Variants in SRGAP1 observed in about 807,000 individuals in gnomAD.
SRGAP1 encodes the protein SLIT-ROBO Rho GTPase activating protein 1.
A neutral mutation model predicts 121.9 loss-of-function variants in SRGAP1; 43 were observed. The ratio of observed to expected loss-of-function variants is 0.35; its 90% CI spans 0.28 to 0.46. The LOEUF is 0.46. Among genes scored for constraint, SRGAP1 ranks in the 20% least tolerant of loss-of-function variants. SRGAP1 has a pLI of 1.00. For missense variants in SRGAP1, 1,102 were observed against 1,350.9 expected (o/e 0.82, Z 2.89); for synonymous variants, 447 against 485.4 (o/e 0.92, Z 1.04).
rs144377554 is a variant in SRGAP1, at chr12:63,960,439, C to A, written c.68-23508C>A. Among the ~76,000 whole-genome samples the A allele has an allele frequency of 1.4e-3, 218 of 152,202 alleles. 2 individuals carry two copies. The highest frequency in any genetic ancestry group is 5.2e-3 in the African/African-American group (215 of 41,530). ...GCTTCCTCATGGGTTCCTCTACCCCCAGTCTGACCTTGCTGCAGTCATTCT... is the reference window on the plus strand; with the variant it reads ...GCTTCCTCATGGGTTCCTCTACCCCAAGTCTGACCTTGCTGCAGTCATTCT... On this transcript the variant is annotated intron_variant, in intron 1 of 21. Coordinates refer to ENST00000355086, the MANE Select transcript of SRGAP1 (RefSeq NM_020762.4).
intron 1 of SRGAP1, among the ~76,000 whole-genome samples, chr12:63,959,718 G>C (rs1440522275): frequency 6.6e-6 from 1 of 152,050 alleles, no homozygotes; most frequent in African/African-American, 2.4e-5. Context: ...ACACTGTATT[G>C]GGCATGAAAT....
chr12:63,992,581 A>C (rs954503117), intron 3 of SRGAP1, among the ~76,000 whole-genome samples: 2 of 151,936 alleles, frequency 1.3e-5, no homozygotes, highest in African/African-American at 4.8e-5. Flanking sequence ...GAGTTTCAAC[A>C]GCTAGCAGCC....
chr12:64,025,078 G>C (rs1203731994), intron 4 of SRGAP1, among the ~76,000 whole-genome samples: 1 of 151,538 alleles, frequency 6.6e-6, no homozygotes, highest in Non-Finnish European at 1.5e-5. Flanking sequence ...TTAAAAAGCA[G>C]AGTTGATGTG....
rs1475696858 is a variant in SRGAP1 at position 64,144,486 on chromosome 12, AG to A, written c.*1816del. On this transcript the variant is annotated 3_prime_UTR_variant, in exon 22 of 22. Coordinates refer to ENST00000355086, the MANE Select transcript of SRGAP1 (RefSeq NM_020762.4). ...TTTGCCAGTGTAGTCATTCTATTGC[AG>A]GAAGAGATTAAATTGATGAGATATT... The A allele has an allele frequency of 2.6e-5, 4 of 152,218 alleles. No individual in the cohort carries two copies. The highest frequency in any genetic ancestry group is 1.3e-4 in the Admixed American group (2 of 15,276). 9.4% of individuals were successfully genotyped at this position (152,218 alleles called of 1,614,324 possible).
At chr12:64,070,813 G>A (rs909702750) in intron 8 of SRGAP1, among the ~76,000 whole-genome samples, 1 of 152,124 alleles carries the variant, frequency 6.6e-6, no homozygotes, top group Non-Finnish European at 1.5e-5. Flanking sequence ...CCTTCCTAGG[G>A]TAGAAAAATC....
intron 15 of SRGAP1, among the ~76,000 whole-genome samples, chr12:64,101,969 C>T (rs942025149): frequency 1.3e-5 from 2 of 152,186 alleles, no homozygotes; most frequent in African/African-American, 2.4e-5. Flanking sequence ...CACAAAAGCA[C>T]ATAGAACAAA....
intron 4 of SRGAP1, among the ~76,000 whole-genome samples, chr12:64,027,647 C>T (rs7973684): frequency 1.1e-4 from 16 of 152,180 alleles, no homozygotes; most frequent in African/African-American, 3.6e-4. Context: ...GCTACTAAAA[C>T]GAGATTGCAA....
rs1381045397 is a variant in SRGAP1, at chr12:63,899,696, C to T, written c.67+54813C>T. 2.0e-5 allele frequency among the ~76,000 whole-genome samples: 3 copies of T among 152,206 alleles called. No homozygotes were observed. In the East Asian group the frequency reaches 5.8e-4, roughly 29 times the overall value. On this transcript the variant is annotated intron_variant, in intron 1 of 21. Coordinates refer to ENST00000355086, the MANE Select transcript of SRGAP1 (RefSeq NM_020762.4). ...ACAAGAGTAGGTTACAGACTGTTTACACATCCAGTTAGGTTACAGTTCATT... is the reference window on the plus strand; with the variant it reads ...ACAAGAGTAGGTTACAGACTGTTTATACATCCAGTTAGGTTACAGTTCATT...
At chr12:64,045,413 G>A (rs771254451) in intron 6 of SRGAP1, among the ~76,000 whole-genome samples, 1 of 151,802 alleles carries the variant, frequency 6.6e-6, no homozygotes, top group Non-Finnish European at 1.5e-5. Flanking sequence ...GTAGTGATTG[G>A]AGTACTTGGC....
chr12:63,865,144 A>C (rs1447093698), intron 1 of SRGAP1, among the ~76,000 whole-genome samples: 2 of 152,126 alleles, frequency 1.3e-5, no homozygotes, highest in Admixed American at 1.3e-4. Flanking sequence ...TTTGCCAATG[A>C]AAAATAAGTT....
At chr12:63,852,282 C>A (rs1249130883) in intron 1 of SRGAP1, among the ~76,000 whole-genome samples, 3 of 152,236 alleles carry the variant, frequency 2.0e-5, no homozygotes, top group Admixed American at 2.0e-4. Context: ...AGGCATGAGC[C>A]ACCTCGCCCA....
chr12:63,988,216 G>A (rs1438133080), intron 2 of SRGAP1, among the ~76,000 whole-genome samples: 1 of 152,136 alleles, frequency 6.6e-6, no homozygotes, highest in Admixed American at 6.5e-5. Context: ...TTACTGTGGG[G>A]CAAGGCCCTG....
At chr12:64,049,837 T>C (rs2035205781) in intron 6 of SRGAP1, among the ~76,000 whole-genome samples, 2 of 152,308 alleles carry the variant, frequency 1.3e-5, no homozygotes, top group Admixed American at 6.5e-5. Context: ...ATTCCTCAAG[T>C]GTTTTTCTTT....
intron 21 of SRGAP1, among the ~76,000 whole-genome samples, chr12:64,134,473 C>CATTG (rs2036830537): frequency 6.6e-6 from 1 of 151,846 alleles, no homozygotes; most frequent in Non-Finnish European, 1.5e-5. Flanking sequence ...TTTTGCAAGG[C>CATTG]ATTGGTCAAG....
chr12:64,077,299 G>A (rs1193389251), intron 8 of SRGAP1, among the ~76,000 whole-genome samples: 3 of 151,630 alleles, frequency 2.0e-5, no homozygotes, highest in African/African-American at 7.3e-5. Flanking sequence ...AGTAAATGAA[G>A]GTGAAATAAA....
chr12:63,867,290 G>A (rs971937466), intron 1 of SRGAP1, among the ~76,000 whole-genome samples: 4 of 152,216 alleles, frequency 2.6e-5, no homozygotes, highest in Non-Finnish European at 5.9e-5. Context: ...CATCTGAGTA[G>A]TGCTGGTCTG....
chr12:64,142,269 C>G, intron 21 of SRGAP1, 26 bp from the exon 22 acceptor site: 1 of 1,603,674 alleles, frequency 6.2e-7, no homozygotes, highest in South Asian at 1.1e-5. Context: ...TCTGTGCTTT[C>G]TCTCTTTCCG....
chr12:63,848,208 G>C (rs1898965668), intron 1 of SRGAP1, among the ~76,000 whole-genome samples: 1 of 151,866 alleles, frequency 6.6e-6, no homozygotes, highest in African/African-American at 2.4e-5. Flanking sequence ...GTTTCGACAT[G>C]TTGGCCAGGC....
chr12:63,846,361 C>G (rs1898901553), intron 1 of SRGAP1, among the ~76,000 whole-genome samples: 1 of 152,192 alleles, frequency 6.6e-6, no homozygotes, highest in South Asian at 2.1e-4. Context: ...TTCACAACCA[C>G]CATTTCTCTG....
Sources: allele counts gnomAD v4.1 joint callset (sites outside exome capture counted in the v4.1 genomes callset), GRCh38; gene constraint gnomAD v4.1.1; transcripts MANE v1.5; gene names NCBI Gene and HGNC (gene_info 2026-07-23, HGNC 2026-07-21).